The following COL4A1 variants were observed in gnomAD, a reference collection of about 807,000 sequenced individuals.
The protein encoded by COL4A1 is collagen alpha-1(IV) chain.
A neutral mutation model predicts 216.6 loss-of-function variants in COL4A1; 40 were observed. The observed-to-expected ratio is 0.18, with a 90% CI of 0.14 to 0.24. COL4A1 has a LOEUF of 0.24. COL4A1 is among the 10% of genes least tolerant of loss of function. The probability of loss-of-function intolerance (pLI) is 1.00; values close to 1 mark genes in which losing one functional copy is unlikely to be tolerated. For missense variants in COL4A1, 1,628 were observed against 2,196.8 expected (o/e 0.74, Z 5.18); for synonymous variants, 839 against 810.7 (o/e 1.03, Z -0.59).
intron 1 of COL4A1, among the ~76,000 whole-genome samples, chr13:110,265,071 GCCTTGA>G (rs1486272360): frequency 3.3e-5 from 5 of 152,208 alleles, no homozygotes; most frequent in Non-Finnish European, 7.3e-5. Flanking sequence ...TCATCGATCG[GCCTTGA>G]CTGCTAGAGA....
intron 2 of COL4A1, among the ~76,000 whole-genome samples, chr13:110,217,473 C>T (rs549965480): frequency 2.4e-4 from 36 of 152,298 alleles, no homozygotes; most frequent in African/African-American, 7.2e-4. Context: ...CCATGGTGTG[C>T]TCAAGGCAAG....
At chr13:110,219,926 G>GTATATATATGTGTGTATATATATA (rs1461254817) in intron 2 of COL4A1, among the ~76,000 whole-genome samples, 1 of 98,120 alleles carries the variant, frequency 1.0e-5, no homozygotes, top group African/African-American at 4.1e-5. Flanking sequence ...GTATATATAT[G>GTATATATATGTGTGTATATATATA]TATGTATATG....
At chr13:110,173,720 T>C (rs1877748454) in intron 40 of COL4A1, among the ~76,000 whole-genome samples, 180 bp downstream of exon 40, 3 of 152,102 alleles carry the variant, frequency 2.0e-5, no homozygotes, top group Admixed American at 6.5e-5. Flanking sequence ...CCCCTTCCCT[T>C]CTTCCCCTCC....
At chr13:110,236,296 C>A (rs1881313328) in intron 2 of COL4A1, among the ~76,000 whole-genome samples, 1 of 152,184 alleles carries the variant, frequency 6.6e-6, no homozygotes, top group African/African-American at 2.4e-5. Context: ...GTCCTCTTCT[C>A]TTCTTGTATT....
intron 20 of COL4A1, 59 bp from the exon 21 acceptor site, chr13:110,198,690 A>G (rs759065760): frequency 1.7e-4 from 265 of 1,598,012 alleles, no homozygotes; most frequent in Non-Finnish European, 2.2e-4. Flanking sequence ...ACTACAGCAT[A>G]AACTCATTCT....
chr13:110,232,750 C>T (rs1881123376), intron 2 of COL4A1, among the ~76,000 whole-genome samples: 1 of 152,108 alleles, frequency 6.6e-6, no homozygotes, highest in South Asian at 2.1e-4. Context: ...ATCTGCCATT[C>T]GAGATACTTC....
intron 29 of COL4A1, among the ~76,000 whole-genome samples, chr13:110,180,428 C>T (rs994139221): frequency 2.6e-5 from 4 of 152,194 alleles, no homozygotes; most frequent in Non-Finnish European, 5.9e-5. Context: ...GGAAGAAACC[C>T]CCCTGGGATC....
At chr13:110,198,279 A>C (rs543526776) in intron 21 of COL4A1, among the ~76,000 whole-genome samples, 188 bp downstream of exon 21, 1 of 152,272 alleles carries the variant, frequency 6.6e-6, no homozygotes, top group Non-Finnish European at 1.5e-5. Context: ...TTGAAATTTT[A>C]ACTATTGCTT....
chr13:110,222,524 A>AG (rs1391090324), intron 2 of COL4A1, among the ~76,000 whole-genome samples: 2 of 150,958 alleles, frequency 1.3e-5, no homozygotes, highest in African/African-American at 4.8e-5. Context: ...CTGTAATCCT[A>AG]GCACTTTGGG....
Position 110,167,113 on chromosome 13 carries a change from G to A in COL4A1, c.3949+45C>T, listed in dbSNP as rs1778817. 0.65 allele frequency: 998,301 copies of A among 1,531,910 alleles called. 326,972 individuals carry two copies. The highest frequency in any genetic ancestry group is 0.7 in the Admixed American group (42,102 of 59,854). 94.9% of individuals were successfully genotyped at this position (1,531,910 alleles called of 1,614,324 possible). On this transcript the variant is annotated intron_variant, in intron 44 of 51. Transcript: ENST00000375820. ...GAGGTTAGCAAGCTCTTCACACAGC[G>A]TCTGCTGCTGCAAAGGCTGTGCAGC...
At chr13:110,258,162 G>A (rs944006212) in intron 1 of COL4A1, among the ~76,000 whole-genome samples, 2 of 152,210 alleles carry the variant, frequency 1.3e-5, no homozygotes, top group African/African-American at 4.8e-5. Context: ...GAAAATTCTA[G>A]AAAACCTTTT....
At chr13:110,196,077 A>T (rs891688215) in intron 21 of COL4A1, among the ~76,000 whole-genome samples, 2 of 152,248 alleles carry the variant, frequency 1.3e-5, no homozygotes, top group African/African-American at 4.8e-5. Context: ...ATGCCTAAAA[A>T]GATCCCACAC....
chr13:110,247,431 T>A (rs1210739899), intron 1 of COL4A1, among the ~76,000 whole-genome samples: 3 of 152,314 alleles, frequency 2.0e-5, no homozygotes, highest in Admixed American at 1.3e-4. Context: ...TCTCTTAAAC[T>A]TTTCAGGATA....
chr13:110,172,368 C>T (rs1307938633), intron 41 of COL4A1, among the ~76,000 whole-genome samples: 1 of 152,202 alleles, frequency 6.6e-6, no homozygotes, highest in Non-Finnish European at 1.5e-5. Context: ...TACATACTGT[C>T]CTGCATTCAC....
intron 1 of COL4A1, among the ~76,000 whole-genome samples, chr13:110,301,866 A>G (rs959658714): frequency 6.6e-6 from 1 of 152,236 alleles, no homozygotes; most frequent in Non-Finnish European, 1.5e-5. Context: ...AAGGGAATGC[A>G]CAGCCAAGCC....
At chr13:110,216,555 G>C (rs1169023267) in intron 2 of COL4A1, among the ~76,000 whole-genome samples, 1 of 152,160 alleles carries the variant, frequency 6.6e-6, no homozygotes, top group African/African-American at 2.4e-5. Context: ...ATTAATATGG[G>C]CAGTATCGCC....
chr13:110,169,551 A>G, intron 43 of COL4A1, 78 bp downstream of exon 43: 1 of 1,600,206 alleles, frequency 6.2e-7, no homozygotes, highest in Non-Finnish European at 8.5e-7. Context: ...CAAAATACAT[A>G]CACACATAGA....
chr13:110,221,207 T>C lies in COL4A1; in HGVS notation c.145-7192A>G, dbSNP rs553731153. The stretch of plus-strand genomic sequence containing the variant: ...ACTCAAGTCATATGTAATCCAAAGC[T>C]AGAAGGCGATGGTTACAAAGGAGAT... On this transcript the variant is annotated intron_variant, in intron 2 of 51. Transcript: ENST00000375820. Among the ~76,000 whole-genome samples the C allele has an allele frequency of 4.6e-5, 7 of 152,300 alleles. 2 individuals are homozygous for C. In the East Asian group the frequency reaches 1.2e-3, roughly 25 times the overall value.
chr13:110,253,600 T>C (rs1882340180), intron 1 of COL4A1, among the ~76,000 whole-genome samples: 1 of 141,060 alleles, frequency 7.1e-6, no homozygotes, highest in African/African-American at 2.5e-5. Flanking sequence ...TAATTATACG[T>C]ATGTATGTAT....
Sources: gnomAD v4.1 joint callset for allele counts (sites outside exome capture counted in the v4.1 genomes callset) on GRCh38, gnomAD v4.1.1 for gene constraint, MANE v1.5 for transcripts, NCBI Gene and HGNC (gene_info 2026-07-23, HGNC 2026-07-21) for gene names.